The following WAPL variants were observed in gnomAD, a reference collection of about 807,000 sequenced individuals.
WAPL encodes the protein WAPL cohesin release factor, also known as wings apart-like protein homolog.
WAPL carries 5 observed loss-of-function variants against 121.0 expected under a neutral mutation model. The observed-to-expected ratio is 0.04, with a 90% CI of 0.02 to 0.09. WAPL has a LOEUF of 0.09. Ranked by LOEUF, WAPL falls within the 10% of genes least tolerant of loss-of-function variation. The probability of loss-of-function intolerance (pLI) is 1.00; values close to 1 mark genes in which losing one functional copy is unlikely to be tolerated. For missense variants in WAPL, 999 were observed against 1,410.8 expected (o/e 0.71, Z 4.68); for synonymous variants, 480 against 481.5 (o/e 1.00, Z 0.04).
chr10:86,519,795 T>C (rs1229109058), intron 1 of WAPL, among the ~76,000 whole-genome samples: 1 of 152,226 alleles, frequency 6.6e-6, no homozygotes, highest in Non-Finnish European at 1.5e-5. Flanking sequence ...CCAACAAAGA[T>C]GGAATGTTTT....
chr10:86,512,041 G>A (rs754234936), intron 2 of WAPL, among the ~76,000 whole-genome samples: 1 of 152,090 alleles, frequency 6.6e-6, no homozygotes, highest in African/African-American at 2.4e-5. Context: ...ATAAATAAAG[G>A]CAGGTAACTC....
chr10:86,479,235 G>C (rs1022347452), intron 4 of WAPL, among the ~76,000 whole-genome samples: 1 of 152,144 alleles, frequency 6.6e-6, no homozygotes, highest in Non-Finnish European at 1.5e-5. Flanking sequence ...AGGAAAAAAA[G>C]GAATGGGTTT....
At chr10:86,458,894 G>T in intron 12 of WAPL, 95 bp downstream of exon 12, 1 of 956,872 alleles carries the variant, frequency 1.0e-6, no homozygotes. Flanking sequence ...GCATTTCATG[G>T]AGGAAGCTAA....
chr10:86,506,948 AATG>A (rs1222983903), intron 2 of WAPL, among the ~76,000 whole-genome samples: 1 of 151,954 alleles, frequency 6.6e-6, no homozygotes, highest in Non-Finnish European at 1.5e-5. Flanking sequence ...CTCTTTATAA[AATG>A]ATTACTCCTC....
rs1589483255 is a variant in WAPL, at chr10:86,436,018, AG to A, written c.*1524del. ...ACTATGTTCTTAAAAGGTGATGGGT[AG>A]GGGTTGGGGTGGGTAGAAGGAAGAA... On this transcript the variant is annotated 3_prime_UTR_variant, in exon 19 of 19. Coordinates refer to ENST00000298767, the MANE Select transcript of WAPL (RefSeq NM_015045.5). 6.6e-6 allele frequency: 1 copy of A among 152,466 alleles called. No homozygotes were observed. The highest frequency in any genetic ancestry group is 2.4e-5 in the African/African-American group (1 of 41,442). 9.4% of individuals were successfully genotyped at this position (152,466 alleles called of 1,614,324 possible). A position where few individuals can be genotyped will look rare whatever the true frequency, so the allele number is the denominator to read the frequency against.
At chr10:86,460,571 A>C in intron 10 of WAPL, 75 bp from the exon 11 acceptor site, 1 of 1,237,892 alleles carries the variant, frequency 8.1e-7, no homozygotes, top group Middle Eastern at 2.0e-4. Flanking sequence ...AGCTAACATT[A>C]GAAGCCATCT....
At chr10:86,506,720 T>C (rs890800147) in intron 2 of WAPL, among the ~76,000 whole-genome samples, 1 of 151,782 alleles carries the variant, frequency 6.6e-6, no homozygotes, top group Non-Finnish European at 1.5e-5. Flanking sequence ...AGCCCAGGAG[T>C]TTAAGGTTGC....
chr10:86,519,182 A>C (rs542095227), intron 1 of WAPL, among the ~76,000 whole-genome samples: 2 of 152,232 alleles, frequency 1.3e-5, no homozygotes, highest in South Asian at 4.1e-4. Context: ...ACATTTTTTA[A>C]AACAAGTTAC....
At position 86,467,517 on chromosome 10, in the gene WAPL, C is replaced by T; in HGVS notation, c.2143-11G>A. The T allele has an allele frequency of 6.4e-7, 1 of 1,569,864 alleles. No homozygotes were observed. Among genetic ancestry groups the T allele is most frequent in the Non-Finnish European group, 8.6e-7 (1 of 1,162,402 alleles). On this transcript the variant is annotated splice_polypyrimidine_tract_variant and intron_variant, in intron 8 of 18. Coordinates refer to ENST00000298767, the MANE Select transcript of WAPL (RefSeq NM_015045.5). ...ACAGAGGGACAGATTCTTCAACAGG[C>T]CAAAAAAAGAAAAGAAAAAAAACTT...
At chr10:86,475,311 T>C (rs1023683670) in intron 4 of WAPL, among the ~76,000 whole-genome samples, 5 of 152,216 alleles carry the variant, frequency 3.3e-5, no homozygotes, top group African/African-American at 1.2e-4. Flanking sequence ...TTCAAATACA[T>C]GGTTTGGACA....
intron 4 of WAPL, among the ~76,000 whole-genome samples, chr10:86,492,777 C>G (rs568286806): frequency 6.6e-6 from 1 of 152,138 alleles, no homozygotes; most frequent in African/African-American, 2.4e-5. Flanking sequence ...TCAGGGCCAT[C>G]CGGGCGCGGT....
intron 4 of WAPL, among the ~76,000 whole-genome samples, chr10:86,480,103 T>C (rs1841748480): frequency 6.6e-6 from 1 of 152,204 alleles, no homozygotes; most frequent in South Asian, 2.1e-4. Context: ...GAATTAGAAA[T>C]TGTAATATGC....
chr10:86,442,632 T>C (rs1849497489), intron 17 of WAPL, among the ~76,000 whole-genome samples: 1 of 152,190 alleles, frequency 6.6e-6, no homozygotes, highest in Admixed American at 6.5e-5. Flanking sequence ...CAGGCCTTAC[T>C]TAGTAAAACC....
rs544750433 is a variant in WAPL at position 86,514,441 on chromosome 10, G to C, written c.499+3130C>G. Reference sequence around the variant, plus strand: ...ATGACCAAGGGAGAGGAGAAAAAAAGAAATATTCATAGTGCTACACCATTC... The same window carrying C: ...ATGACCAAGGGAGAGGAGAAAAAAACAAATATTCATAGTGCTACACCATTC... On this transcript the variant is annotated intron_variant, in intron 2 of 18. Transcript: ENST00000298767. 5.3e-5 allele frequency among the ~76,000 whole-genome samples: 8 copies of C among 152,308 alleles called. No homozygotes were observed. The South Asian group carries it at 1.0e-3, about 20-fold the overall frequency.
At chr10:86,491,796 A>G (rs7919337) in intron 4 of WAPL, among the ~76,000 whole-genome samples, 129,716 of 151,896 alleles carry the variant, frequency 0.85, 56,032 homozygotes, top group Non-Finnish European at 0.92. Flanking sequence ...TTTTTATTAC[A>G]TATATTTAAC....
intron 4 of WAPL, among the ~76,000 whole-genome samples, chr10:86,493,165 A>T (rs1448284879): frequency 2.0e-5 from 3 of 152,262 alleles, no homozygotes; most frequent in South Asian, 2.1e-4. Context: ...GGGAAAAAAA[A>T]TATGAAAAGA....
intron 9 of WAPL, among the ~76,000 whole-genome samples, chr10:86,466,800 A>T (rs183708217): frequency 6.6e-6 from 1 of 152,002 alleles, no homozygotes; most frequent in Admixed American, 6.6e-5. Context: ...CGGGCTCAGG[A>T]TATTTCTCTG....
intron 4 of WAPL, among the ~76,000 whole-genome samples, chr10:86,487,827 G>A (rs550080654): frequency 2.0e-4 from 31 of 152,166 alleles, no homozygotes; most frequent in African/African-American, 4.6e-4. Context: ...CCTGGGAGGC[G>A]GAGCTTGCAG....
intron 9 of WAPL, among the ~76,000 whole-genome samples, chr10:86,465,385 T>C (rs1002913395): frequency 6.6e-6 from 1 of 152,142 alleles, no homozygotes; most frequent in African/African-American, 2.4e-5. Context: ...TTTGTATTTT[T>C]AGTGGAGATG....
Sources: gnomAD v4.1 joint callset for allele counts (sites outside exome capture counted in the v4.1 genomes callset) on GRCh38, gnomAD v4.1.1 for gene constraint, MANE v1.5 for transcripts, NCBI Gene and HGNC (gene_info 2026-07-23, HGNC 2026-07-21) for gene names.